GRM7: variants seen among roughly 807,000 people sequenced by gnomAD.
GRM7 encodes glutamate metabotropic receptor 7, also known as metabotropic glutamate receptor 7.
A neutral mutation model predicts 84.5 loss-of-function variants in GRM7; 35 were observed. The observed-to-expected ratio is 0.41, with a 90% confidence interval of 0.32 to 0.55. The LOEUF is 0.55. Ranked by LOEUF, GRM7 falls within the 20% of genes least tolerant of loss-of-function variation. The pLI, the probability that GRM7 is intolerant of heterozygous loss-of-function variation, is 0.19. For missense variants in GRM7, 1,003 were observed against 1,194.6 expected, an observed-to-expected ratio of 0.84 and a Z score of 2.36; for synonymous variants, 487 against 455.1, an observed-to-expected ratio of 1.07 and a Z score of -0.89.
chr3:7,495,650 G>A (rs1358500915), intron 7 of GRM7, among the ~76,000 whole-genome samples: 1 of 152,150 alleles, frequency 6.6e-6, no homozygotes, highest in African/African-American at 2.4e-5. Flanking sequence ...TATTTCTGAT[G>A]TGATTCCCAG....
intron 5 of GRM7, among the ~76,000 whole-genome samples, chr3:7,435,382 C>T (rs1482234371): frequency 6.6e-6 from 1 of 151,960 alleles, no homozygotes; most frequent in Non-Finnish European, 1.5e-5. Context: ...TCTCAAACAC[C>T]TGAGCTCAAG....
intron 7 of GRM7, among the ~76,000 whole-genome samples, chr3:7,575,228 C>A (rs113381715): frequency 6.6e-6 from 1 of 152,094 alleles, no homozygotes; most frequent in Non-Finnish European, 1.5e-5. Flanking sequence ...ACCAGGTACC[C>A]CAAAACCATA....
intron 3 of GRM7, among the ~76,000 whole-genome samples, chr3:7,301,531 G>T (rs1253440797): frequency 2.0e-5 from 3 of 152,120 alleles, no homozygotes; most frequent in African/African-American, 7.2e-5. Context: ...GCACATAAAA[G>T]ATGTATGGCA....
At chr3:7,162,003 T>C (rs1694639957) in intron 2 of GRM7, among the ~76,000 whole-genome samples, 1 of 152,174 alleles carries the variant, frequency 6.6e-6, no homozygotes, top group Non-Finnish European at 1.5e-5. Flanking sequence ...ATTACTTGGC[T>C]GCAGAGGTTG....
At chr3:6,956,204 C>T (rs546470489) in intron 1 of GRM7, among the ~76,000 whole-genome samples, 1 of 152,096 alleles carries the variant, frequency 6.6e-6, no homozygotes, top group African/African-American at 2.4e-5. Flanking sequence ...TGAGTTTTGC[C>T]GTATGGGCCA....
intron 1 of GRM7, among the ~76,000 whole-genome samples, chr3:6,886,095 T>TTTTGTG (rs1553581178): frequency 6.6e-6 from 1 of 150,910 alleles, no homozygotes; most frequent in Non-Finnish European, 1.5e-5. Context: ...ATAGTTACCA[T>TTTTGTG]TGTGTGTGTG....
chr3:7,274,837 T>C (rs1213129456), intron 2 of GRM7, among the ~76,000 whole-genome samples: 2 of 152,116 alleles, frequency 1.3e-5, no homozygotes, highest in Non-Finnish European at 2.9e-5. Flanking sequence ...TGATATTAAA[T>C]TGAGGAAATT....
At chr3:6,952,927 A>G (rs1342561626) in intron 1 of GRM7, among the ~76,000 whole-genome samples, 1 of 152,230 alleles carries the variant, frequency 6.6e-6, no homozygotes, top group Non-Finnish European at 1.5e-5. Flanking sequence ...GTCATGAAGC[A>G]AAATTCCAAC....
chr3:7,452,579 TG>T, intron 5 of GRM7, 27 bp from the exon 6 acceptor site: 1 of 1,339,300 alleles, frequency 7.5e-7, no homozygotes, highest in Non-Finnish European at 1.1e-6. Flanking sequence ...TGTGTGTGTG[TG>T]TGTGTGTTTC....
At chr3:7,403,256 G>A in intron 4 of GRM7, 1 of 366,036 alleles carries the variant, frequency 2.7e-6, no homozygotes, top group Admixed American at 2.8e-5. Context: ...ATGATTCTTG[G>A]ACAGTTATAT....
At chr3:7,378,093 A>G (rs1415599448) in intron 4 of GRM7, among the ~76,000 whole-genome samples, 4 of 152,200 alleles carry the variant, frequency 2.6e-5, no homozygotes, top group East Asian at 1.9e-4. Flanking sequence ...ACAAAATTAT[A>G]TGACTTCAAA....
chr3:7,561,323 T>C lies in GRM7; in HGVS notation c.1516-17099T>C, dbSNP rs367805560. 844 of 267,580 alleles carry C rather than the reference T, an allele frequency of 3.2e-3. 31 individuals carry two copies. The South Asian group carries it at 0.033, about 10-fold the overall frequency. 16.6% of individuals were successfully genotyped at this position (267,580 alleles called of 1,614,324 possible). ...ATCTTAAATTACATTGAATTTAGTG[T>C]GATTTATACACAAATTTATACTGTG... On this transcript the variant is annotated intron_variant, in intron 7 of 9. Transcript: ENST00000357716.
intron 7 of GRM7, among the ~76,000 whole-genome samples, chr3:7,498,557 A>G (rs553449674): frequency 2.2e-4 from 33 of 152,248 alleles, no homozygotes; most frequent in Non-Finnish European, 4.4e-4. Flanking sequence ...GGATTCTGGT[A>G]TTTCACATTT....
chr3:7,462,938 A>G (rs1698309626), intron 7 of GRM7, among the ~76,000 whole-genome samples: 1 of 152,192 alleles, frequency 6.6e-6, no homozygotes, highest in African/African-American at 2.4e-5. Context: ...AAGGCACACT[A>G]AACTTGCAAG....
At chr3:6,984,524 G>A (rs192164302) in intron 1 of GRM7, among the ~76,000 whole-genome samples, 1 of 152,090 alleles carries the variant, frequency 6.6e-6, no homozygotes, top group East Asian at 1.9e-4. Flanking sequence ...AGTAATCACA[G>A]CAAAAGGTGA....
At chr3:7,437,261 A>G (rs1011515999) in intron 5 of GRM7, among the ~76,000 whole-genome samples, 24 of 152,170 alleles carry the variant, frequency 1.6e-4, no homozygotes, top group African/African-American at 5.3e-4. Flanking sequence ...TCAATTTTAA[A>G]GTTCCAAATT....
At chr3:7,067,810 C>G (rs1352948728) in intron 1 of GRM7, among the ~76,000 whole-genome samples, 1 of 151,952 alleles carries the variant, frequency 6.6e-6, no homozygotes, top group Non-Finnish European at 1.5e-5. Flanking sequence ...AGTTGGAGAA[C>G]AGCTAGCCAA....
intron 8 of GRM7, among the ~76,000 whole-genome samples, chr3:7,592,046 G>A (rs1181489870): frequency 1.3e-5 from 2 of 152,044 alleles, no homozygotes; most frequent in African/African-American, 4.8e-5. Flanking sequence ...GTTTTCATGA[G>A]GATTGAATGA....
chr3:7,292,568 A>G (rs1699669396), intron 2 of GRM7, among the ~76,000 whole-genome samples: 1 of 152,114 alleles, frequency 6.6e-6, no homozygotes, highest in African/African-American at 2.4e-5. Flanking sequence ...AATAGCATCA[A>G]CATGTAGACA....
Sources: gnomAD v4.1 joint callset for allele counts (sites outside exome capture counted in the v4.1 genomes callset) on GRCh38, gnomAD v4.1.1 for gene constraint, MANE v1.5 for transcripts, NCBI Gene and HGNC (gene_info 2026-07-23, HGNC 2026-07-21) for gene names.